Variants in ZNF438 observed in about 807,000 individuals in gnomAD.
The protein encoded by ZNF438 is zinc finger protein 438.
A neutral mutation model predicts 38.0 loss-of-function variants in ZNF438; 25 were observed. That is an observed-to-expected ratio of 0.66 (90% CI 0.48 to 0.92). The LOEUF is 0.92. ZNF438 is among the 40% of genes least tolerant of loss of function. The pLI is 0.00. For synonymous variants in ZNF438, 372 were observed against 364.1 expected, an observed-to-expected ratio of 1.02 and a Z score of -0.25; for missense variants, 1,007 against 999.6, an observed-to-expected ratio of 1.01 and a Z score of -0.10.
exon 5 of ZNF438, chr10:30,849,087 G>C (rs2033004116): frequency 1.2e-6 from 2 of 1,613,910 alleles, no homozygotes; most frequent in Non-Finnish European, 1.7e-6. Context: ...ACCATGATAG[G>C]TTTGGGCATA....
Position 31,007,926 on chromosome 10 carries a change from T to C in ZNF438, c.-192+23907A>G, listed in dbSNP as rs555666588. On this transcript the variant is annotated intron_variant, in intron 1 of 5. Coordinates refer to ENST00000413025, the Ensembl canonical transcript of ZNF438. ...TAAAGCAAAATGAGGGGGGACTAGA[T>C]GACTTCTGAAGTTTCTGCCAGCTCT... Among the ~76,000 whole-genome samples, 5 of 152,338 alleles carry C rather than the reference T, an allele frequency of 3.3e-5. No homozygotes were observed. In the South Asian group the frequency reaches 8.3e-4, roughly 25 times the overall value.
intron 4 of ZNF438, among the ~76,000 whole-genome samples, chr10:30,872,536 G>A (rs1350287884): frequency 6.7e-6 from 1 of 149,386 alleles, no homozygotes; most frequent in Non-Finnish European, 1.5e-5. Flanking sequence ...AGATCACGAG[G>A]TCAGGAGATT....
chr10:30,937,929 T>C (rs894849509), intron 2 of ZNF438, among the ~76,000 whole-genome samples: 1 of 152,218 alleles, frequency 6.6e-6, no homozygotes, highest in African/African-American at 2.4e-5. Flanking sequence ...GCATTCATGG[T>C]TCTCCTAAAT....
chr10:30,947,840 C>T (rs1468926872), intron 1 of ZNF438, among the ~76,000 whole-genome samples: 1 of 152,206 alleles, frequency 6.6e-6, no homozygotes, highest in Non-Finnish European at 1.5e-5. Flanking sequence ...ACTCCCTGAC[C>T]CCTTGCGCTT....
intron 4 of ZNF438, among the ~76,000 whole-genome samples, chr10:30,867,964 T>A (rs2036738733): frequency 6.6e-6 from 1 of 152,308 alleles, no homozygotes; most frequent in South Asian, 2.1e-4. Flanking sequence ...GGAGTATAAG[T>A]TATATTCAAA....
At chr10:30,896,189 G>A (rs1336880076) in intron 3 of ZNF438, among the ~76,000 whole-genome samples, 9 of 151,998 alleles carry the variant, frequency 5.9e-5, no homozygotes, top group Admixed American at 1.3e-4. Context: ...CCAGATACTT[G>A]GGAGGCTGAG....
intron 3 of ZNF438, among the ~76,000 whole-genome samples, chr10:30,889,405 CCTCTTCCCTCCT>C (rs1187412755): frequency 1.3e-5 from 2 of 152,122 alleles, no homozygotes; most frequent in Non-Finnish European, 1.5e-5. Context: ...ACTCCCCTCC[CCTCTTCCCTCCT>C]CTCTTCTCTC....
chr10:30,848,846 T>C, exon 5 of ZNF438: 3 of 1,614,262 alleles, frequency 1.9e-6, no homozygotes, highest in Non-Finnish European at 2.5e-6. Flanking sequence ...TCGAAGGTGC[T>C]GTTTGAACTG....
intron 1 of ZNF438, among the ~76,000 whole-genome samples, chr10:30,968,682 T>C (rs2050414463): frequency 6.6e-6 from 1 of 152,036 alleles, no homozygotes; most frequent in African/African-American, 2.4e-5. Context: ...CCTCAGGTTA[T>C]CCGCCCACCT....
intron 1 of ZNF438, among the ~76,000 whole-genome samples, chr10:30,945,477 G>C (rs372882347): frequency 5.4e-5 from 8 of 149,074 alleles, no homozygotes; most frequent in Admixed American, 4.0e-4. Flanking sequence ...ACGTATACAT[G>C]TGCCACGCTG....
intron 2 of ZNF438, among the ~76,000 whole-genome samples, chr10:30,938,465 G>A (rs1480519256): frequency 6.6e-6 from 1 of 151,936 alleles, no homozygotes; most frequent in African/African-American, 2.4e-5. Context: ...TAGTAGAGAT[G>A]GGGTTTCATC....
At chr10:30,908,780 G>C (rs1564622441) in intron 3 of ZNF438, among the ~76,000 whole-genome samples, 153 bp downstream of exon 4, 2 of 152,148 alleles carry the variant, frequency 1.3e-5, no homozygotes, top group Non-Finnish European at 2.9e-5. Flanking sequence ...ACTTGGTAAA[G>C]AAGAAATATA....
chr10:30,997,449 T>C (rs2054170123), intron 1 of ZNF438, among the ~76,000 whole-genome samples: 1 of 152,182 alleles, frequency 6.6e-6, no homozygotes, highest in African/African-American at 2.4e-5. Context: ...AAAGAAATTA[T>C]TAACAAAGTC....
chr10:30,859,738 C>A (rs2035273393), intron 4 of ZNF438, among the ~76,000 whole-genome samples: 1 of 152,138 alleles, frequency 6.6e-6, no homozygotes, highest in Non-Finnish European at 1.5e-5. Flanking sequence ...AGATGCTCAG[C>A]AGATATACTA....
intron 1 of ZNF438, among the ~76,000 whole-genome samples, chr10:31,016,504 A>G (rs2056206527): frequency 6.6e-6 from 1 of 152,202 alleles, no homozygotes; most frequent in African/African-American, 2.4e-5. Flanking sequence ...CTCTCACGTT[A>G]CAGTCAAGAG....
chr10:30,930,564 A>G (rs2045534462), intron 2 of ZNF438, among the ~76,000 whole-genome samples: 2 of 152,064 alleles, frequency 1.3e-5, no homozygotes, highest in African/African-American at 4.8e-5. Flanking sequence ...TGCCGAGAGC[A>G]AGCGAGGGCT....
Position 31,013,188 on chromosome 10 carries a change from G to A in ZNF438, c.-192+18645C>T, listed in dbSNP as rs1001667280. ...CAAAAAATTAGCCGCGCGCGGTGGC[G>A]GGCGCCTGTAGTCCCAGCTACTCGG... On this transcript the variant is annotated intron_variant, in intron 1 of 5. Transcript: ENST00000413025. 4.6e-4 allele frequency among the ~76,000 whole-genome samples: 70 copies of A among 152,052 alleles called. 2 individuals are homozygous for A. Among genetic ancestry groups the A allele is most frequent in the South Asian group, 4.1e-4 (2 of 4,824 alleles).
chr10:30,899,920 T>C (rs1281107445), intron 3 of ZNF438, among the ~76,000 whole-genome samples: 1 of 152,230 alleles, frequency 6.6e-6, no homozygotes, highest in Non-Finnish European at 1.5e-5. Flanking sequence ...ATTATATACT[T>C]TCTTATGCAA....
exon 5 of ZNF438, chr10:30,849,669 T>C (rs370843728): frequency 1.9e-6 from 3 of 1,614,098 alleles, no homozygotes; most frequent in East Asian, 2.2e-5. Context: ...CTAGATGTTA[T>C]CTTGCTTACA....
Sources: allele counts gnomAD v4.1 joint callset (sites outside exome capture counted in the v4.1 genomes callset), GRCh38; gene constraint gnomAD v4.1.1; transcripts MANE v1.5; gene names NCBI Gene and HGNC (gene_info 2026-07-23, HGNC 2026-07-21).